FAM153A: variants seen among roughly 807,000 people sequenced by gnomAD.
FAM153A encodes the protein protein FAM153A.
Under a neutral mutation model 48.1 loss-of-function variants are expected in FAM153A, and 12 were observed. The ratio of observed to expected loss-of-function variants is 0.25; its 90% CI spans 0.16 to 0.40. The LOEUF is 0.40. FAM153A is among the 10% of genes least tolerant of loss of function. FAM153A has a pLI of 1.00. For missense variants in FAM153A, 111 were observed against 345.8 expected (o/e 0.32, Z 5.38); for synonymous variants, 36 against 118.2 (o/e 0.30, Z 4.51).
chr5:177,704,528 T>C (rs1304635287), downstream of FAM153A, among the ~76,000 whole-genome samples: 1 of 124,722 alleles, frequency 8.0e-6, no homozygotes. Flanking sequence ...GCGGTTTCTC[T>C]GTTTGAGGTC....
rs536151820 is a variant in FAM153A at position 177,735,294 on chromosome 5, G to A, written c.665-361C>T. On this transcript the variant is annotated intron_variant, in intron 12 of 20. Transcript: ENST00000614127. ...TCATCCCTTCTAGAAGATTTTGTAC[G>A]GAATAAGAAGCAACCTTTCTTAAAA... Among the ~76,000 whole-genome samples, 20 of 140,840 alleles carry A rather than the reference G, an allele frequency of 1.4e-4. 1 individual carries two copies. The highest frequency in any genetic ancestry group is 4.1e-4 in the East Asian group (2 of 4,854). The allele number at this position is 140,840 out of a possible 152,430, so 92.4% of individuals were successfully genotyped here.
At chr5:177,737,196 C>T (rs979527270) in intron 10 of FAM153A, 84 bp from the exon 13 acceptor site, 17 of 1,530,866 alleles carry the variant, frequency 1.1e-5, no homozygotes, top group African/African-American at 7.1e-5. Context: ...ACGGGGCTGG[C>T]GTGTGTGGAA....
chr5:177,769,634 G>A (rs1582535118), intron 1 of FAM153A, among the ~76,000 whole-genome samples: 1 of 96,508 alleles, frequency 1.0e-5, no homozygotes, highest in East Asian at 3.2e-4. Context: ...GCTGCCAGTG[G>A]AGAAGAGCTC....
intron 25 of FAM153A, among the ~76,000 whole-genome samples, chr5:177,715,673 G>T (rs1054293332): frequency 2.0e-4 from 31 of 151,816 alleles, no homozygotes; most frequent in Admixed American, 2.0e-3. Flanking sequence ...TCCTATAAAT[G>T]TGGTCATCTT....
chr5:177,719,413 C>A (rs2650346), downstream of FAM153A, among the ~76,000 whole-genome samples: 35 of 147,588 alleles, frequency 2.4e-4, no homozygotes, highest in East Asian at 6.1e-4. Context: ...CGAGCCTATC[C>A]TAAGAGAAGT....
At chr5:177,728,253 G>T (rs1323032777) in intron 18 of FAM153A, among the ~76,000 whole-genome samples, 5 of 122,558 alleles carry the variant, frequency 4.1e-5, no homozygotes, top group Admixed American at 3.4e-4. Flanking sequence ...CTGAGGACTG[G>T]GTATATTAAA....
chr5:177,728,511 C>G (rs1376976674), intron 18 of FAM153A, among the ~76,000 whole-genome samples: 1 of 147,114 alleles, frequency 6.8e-6, no homozygotes, highest in Non-Finnish European at 1.5e-5. Flanking sequence ...CCAGGGATGA[C>G]AGTAGCATGG....
intron 1 of FAM153A, among the ~76,000 whole-genome samples, chr5:177,752,707 A>ATCAGGAGG (rs1443440284): frequency 1.5e-5 from 2 of 133,556 alleles, no homozygotes; most frequent in Non-Finnish European, 1.6e-5. Flanking sequence ...AGGAAGGTGG[A>ATCAGGAGG]TCAGGAGGTC....
intron 13 of FAM153A, 113 bp downstream of exon 15, chr5:177,734,750 G>A: frequency 6.3e-7 from 1 of 1,586,616 alleles, no homozygotes; most frequent in Non-Finnish European, 8.6e-7. Context: ...TTCCCTCAAG[G>A]ACACTGTGTA....
chr5:177,716,132 T>C (rs142371999), intron 25 of FAM153A, among the ~76,000 whole-genome samples: 2,081 of 151,588 alleles, frequency 0.014, 97 homozygotes, highest in African/African-American at 0.049. Context: ...TACAGGCACG[T>C]GCCACCATGC....
chr5:177,757,078 A>G (rs1767804760), upstream of FAM153A, among the ~76,000 whole-genome samples: 1 of 84,698 alleles, frequency 1.2e-5, no homozygotes, highest in African/African-American at 4.3e-5. Context: ...AACAAAATTG[A>G]TAGACTGCTA....
the FAM153A span, among the ~76,000 whole-genome samples, chr5:177,695,079 A>G: frequency 7.6e-6 from 1 of 131,794 alleles, no homozygotes; most frequent in African/African-American, 3.1e-5. Context: ...GCATGCCACC[A>G]TGCCTGGCTA....
At chr5:177,695,919 C>CGG in the FAM153A span, among the ~76,000 whole-genome samples, 1,882 of 124,342 alleles carry the variant, frequency 0.015, 130 homozygotes, top group African/African-American at 0.042. Context: ...GACAGGGTGG[C>CGG]CGGGCAGGGG....
intron 4 of FAM153A, among the ~76,000 whole-genome samples, chr5:177,746,394 G>A (rs1765999642): frequency 6.8e-6 from 1 of 146,928 alleles, no homozygotes; most frequent in Non-Finnish European, 1.5e-5. Context: ...CCTGACCTTA[G>A]GTAATCCACC....
At chr5:177,735,251 G>A (rs1464894236) in intron 12 of FAM153A, among the ~76,000 whole-genome samples, 1 of 147,994 alleles carries the variant, frequency 6.8e-6, no homozygotes, top group Non-Finnish European at 1.5e-5. Context: ...GAATCCACAT[G>A]TGCTGCTGAT....
At chr5:177,779,143 A>G (rs1256029307) in intron 1 of FAM153A, among the ~76,000 whole-genome samples, 1 of 151,792 alleles carries the variant, frequency 6.6e-6, no homozygotes, top group Non-Finnish European at 1.5e-5. Context: ...AAACTAAAAT[A>G]TGGTTGACCC....
At chr5:177,707,152 A>AG (rs1757949295), downstream of FAM153A, among the ~76,000 whole-genome samples, 1 of 151,848 alleles carries the variant, frequency 6.6e-6, no homozygotes, top group South Asian at 2.1e-4. Flanking sequence ...AAAGTAACAA[A>AG]GACCAGACTG....
downstream of FAM153A, among the ~76,000 whole-genome samples, chr5:177,719,353 A>C (rs71251393): frequency 0.35 from 44,350 of 128,356 alleles, 8,694 homozygotes; most frequent in East Asian, 0.5. Flanking sequence ...GAGAGCAGGC[A>C]CTTCAGAAAA....
the FAM153A span, among the ~76,000 whole-genome samples, chr5:177,699,461 T>C: frequency 2.0e-5 from 3 of 151,928 alleles, no homozygotes; most frequent in African/African-American, 7.3e-5. Context: ...CTAAAACTTT[T>C]AGCTAGGCTA....
Sources: allele counts gnomAD v4.1 joint callset (sites outside exome capture counted in the v4.1 genomes callset), GRCh38; gene constraint gnomAD v4.1.1; transcripts MANE v1.5; gene names NCBI Gene and HGNC (gene_info 2026-07-23, HGNC 2026-07-21).